Variants in TPM3 observed in about 807,000 individuals in gnomAD.
TPM3 encodes tropomyosin 3.
In TPM3, 16 loss-of-function variants were observed where a neutral mutation model predicts 43.1. The observed-to-expected ratio is 0.37, with a 90% CI of 0.25 to 0.56. The LOEUF (loss-of-function observed/expected upper bound fraction) is 0.56. Among genes scored for constraint, TPM3 ranks in the 20% least tolerant of loss-of-function variants. The pLI, the probability that TPM3 is intolerant of heterozygous loss-of-function variation, is 0.77. For missense variants in TPM3, 176 were observed against 337.2 expected (o/e 0.52, Z 3.74); for synonymous variants, 101 against 116.9 (o/e 0.86, Z 0.88).
intron 5 of TPM3, chr1:154,172,362 C>T: frequency 1.5e-6 from 1 of 660,244 alleles, no homozygotes; most frequent in East Asian, 3.1e-5. Flanking sequence ...TAATATCTAC[C>T]CTTGCCCTAA....
At chr1:154,157,029 A>G (rs11540123), downstream of TPM3, 1,844 of 203,058 alleles carry the variant, frequency 9.1e-3, 43 homozygotes, top group African/African-American at 0.039. Context: ...TTATCCAAAG[A>G]TATCTTAAAG....
chr1:154,183,281 A>T, intron 2 of TPM3: 2 of 1,509,748 alleles, frequency 1.3e-6, no homozygotes, highest in Non-Finnish European at 1.8e-6. Flanking sequence ...ACCGCCAGGC[A>T]GGCGGGAAGG....
At chr1:154,167,981 G>C (rs1661168470) in intron 9 of TPM3, 41 bp from the exon 10 acceptor site, 1 of 1,613,378 alleles carries the variant, frequency 6.2e-7, no homozygotes, top group Non-Finnish European at 8.5e-7. Context: ...AGAAGGACTA[G>C]CATCAATCTA....
intron 6 of TPM3, 31 bp downstream of exon 6, chr1:154,171,382 A>G: frequency 1.2e-6 from 2 of 1,613,476 alleles, no homozygotes; most frequent in Non-Finnish European, 1.7e-6. Context: ...CCAGGCCCCA[A>G]AGCCTGTCAC....
In TPM3 at chr1:154,192,022, C is replaced by G; in HGVS notation, c.-4G>C. 4.3e-6 allele frequency: 7 copies of G among 1,611,558 alleles called. No individual in the cohort carries two copies. Among genetic ancestry groups the G allele is most frequent in the Non-Finnish European group, 5.9e-6 (7 of 1,178,252 alleles). ...TTTTCTTGATGGCCTCCATCATGAG[C>G]AGTGGCTGTTGGTAGGCTCACCTGT... On this transcript the variant is annotated 5_prime_UTR_variant, in exon 1 of 10. Coordinates refer to ENST00000651641, the MANE Select transcript of TPM3 (RefSeq NM_152263.4).
rs1208749713 is a variant in TPM3, at chr1:154,165,182, G to A, written c.*2755C>T. 2.0e-5 allele frequency among the ~76,000 whole-genome samples: 3 copies of A among 152,068 alleles called. No individual in the cohort carries two copies. The highest frequency in any genetic ancestry group is 4.4e-5 in the Non-Finnish European group (3 of 67,984). ...GGATCACTTGAGGTCAGGAGTTCGC[G>A]ACCAGCCTGGCCAACATGCTGAAAC... On this transcript the variant is annotated 3_prime_UTR_variant, in exon 10 of 10. Transcript: ENST00000651641.
intron 2 of TPM3, among the ~76,000 whole-genome samples, chr1:154,177,826 GA>G (rs1662505176): frequency 6.6e-6 from 1 of 152,154 alleles, no homozygotes; most frequent in African/African-American, 2.4e-5. Flanking sequence ...ATGAGAAGCT[GA>G]AGAGACTAGG....
chr1:154,191,223 T>C lies in TPM3; in HGVS notation c.206A>G (p.Gln69Arg). The change falls in exon 2 of 10, where the codon CAG becomes CGG. Residue 69 changes from glutamine (Q) to arginine (R), a missense_variant. Physicochemically the swap from Gln to Arg is conservative, Grantham distance 43. This residue lies in a region of TPM3 where 82 missense variants were observed against 148.8 expected (regional missense o/e 0.55). Transcript: ENST00000651641. ...DKYSEALKDA[Q>R]EKLELAEKKA... ...CTTCTCTGCCAGTTCCAGCTTCTCC[T>C]GGGCATCCTTCAAAGCTTCAGAATA... 6.2e-7 allele frequency: 1 copy of C among 1,614,212 alleles called. No individual in the cohort carries two copies. Among genetic ancestry groups the C allele is most frequent in the Non-Finnish European group, 8.5e-7 (1 of 1,180,028 alleles).
In TPM3 at chr1:154,165,013, T is replaced by G. The variant is rs939258170; in HGVS notation, c.*2924A>C. On this transcript the variant is annotated 3_prime_UTR_variant, in exon 10 of 10. Coordinates refer to ENST00000651641, the MANE Select transcript of TPM3 (RefSeq NM_152263.4). Reference sequence around the variant, plus strand: ...TTAAGACACAACCTGTTCCCTACTCTGTCTAAATCTACCTTTAGAGCTATT... The same window carrying G: ...TTAAGACACAACCTGTTCCCTACTCGGTCTAAATCTACCTTTAGAGCTATT... Among the ~76,000 whole-genome samples, 2 of 152,236 alleles carry G rather than the reference T, an allele frequency of 1.3e-5. No homozygotes were observed. The highest frequency in any genetic ancestry group is 3.8e-4 in the East Asian group (2 of 5,206).
Position 154,169,347 on chromosome 1 carries a change from A to G in TPM3, c.812T>C (p.Ile271Thr), listed in dbSNP as rs1243259614. ...LYAQKLKYKA[I>T]SEELDHALND... ...GAGGGCGTGGTCCAGCTCCTCGCTAATGGCCTTGTACTTCAGTTTCTGGGC... is the reference window on the plus strand; with the variant it reads ...GAGGGCGTGGTCCAGCTCCTCGCTAGTGGCCTTGTACTTCAGTTTCTGGGC... Residue 271 changes from isoleucine to threonine, a missense_variant, in exon 9 of 10, where the codon ATT becomes ACT. By Grantham distance (89) the Ile-to-Thr change is moderately conservative. Transcript: ENST00000651641. The G allele has an allele frequency of 2.5e-6, 4 of 1,614,220 alleles. No homozygotes were observed. Among genetic ancestry groups the G allele is most frequent in the South Asian group, 1.1e-5 (1 of 91,090 alleles).
intron 2 of TPM3, among the ~76,000 whole-genome samples, chr1:154,181,041 C>T (rs919054170): frequency 6.6e-6 from 1 of 152,200 alleles, no homozygotes; most frequent in Non-Finnish European, 1.5e-5. Context: ...GCCAGTTCCT[C>T]TGTCTTCCCC....
rs6661996 is a variant in TPM3 at position 154,165,372 on chromosome 1, C to T, written c.*2565G>A. Among the ~76,000 whole-genome samples, 21,330 of 151,656 alleles carry T rather than the reference C, an allele frequency of 0.14. 2,718 individuals carry two copies. The highest frequency in any genetic ancestry group is 0.34 in the African/African-American group (13,988 of 41,304). ...ACTCCATCCAGCCTGGGTGACAGAG[C>T]GAGACTCCATCTCAAAAAGAGAAAA... On this transcript the variant is annotated 3_prime_UTR_variant, in exon 10 of 10. Transcript: ENST00000651641.
At chr1:154,171,379 C>T in intron 6 of TPM3, 34 bp downstream of exon 6, 1 of 1,613,154 alleles carries the variant, frequency 6.2e-7, no homozygotes, top group Non-Finnish European at 8.5e-7. Context: ...GGCCCAGGCC[C>T]CAAAGCCTGT....
At chr1:154,178,580 C>G (rs1029567590) in intron 2 of TPM3, among the ~76,000 whole-genome samples, 11 of 152,200 alleles carry the variant, frequency 7.2e-5, no homozygotes, top group African/African-American at 2.7e-4. Context: ...TGACTTTTCC[C>G]TCATGAGTCT....
chr1:154,186,917 G>T (rs1381330826), intron 2 of TPM3, among the ~76,000 whole-genome samples: 1 of 151,586 alleles, frequency 6.6e-6, no homozygotes, highest in African/African-American at 2.4e-5. Flanking sequence ...GTGTAAACAC[G>T]TAGTTATTGA....
chr1:154,156,952 G>A (rs1659872615), downstream of TPM3: 1 of 197,520 alleles, frequency 5.1e-6, no homozygotes, highest in Non-Finnish European at 1.0e-5. Flanking sequence ...ACAAAATTTT[G>A]GTCTCAGAGG....
chr1:154,157,242 GAA>G (rs1245770948), downstream of TPM3: 2 of 405,114 alleles, frequency 4.9e-6, no homozygotes, highest in Non-Finnish European at 9.3e-6. Context: ...GCATTAAGGT[GAA>G]AAGTCACCTT....
intron 2 of TPM3, 148 bp from the exon 3 acceptor site, chr1:154,176,396 A>G (rs1662311366): frequency 9.1e-7 from 1 of 1,103,836 alleles, no homozygotes; most frequent in Non-Finnish European, 1.3e-6. Context: ...TAAAAGATCT[A>G]GCAGACATAA....
Position 154,162,967 on chromosome 1 carries a change from T to C in TPM3, c.*4970A>G, listed in dbSNP as rs1171526705. Among the ~76,000 whole-genome samples the C allele has an allele frequency of 1.3e-5, 2 of 152,092 alleles. No homozygotes were observed. The highest frequency in any genetic ancestry group is 2.9e-5 in the Non-Finnish European group (2 of 68,010). ...TTGGGACTACAGGCATGTGCCACCA[T>C]GTCCAGCTAATTTTTGTATTTTTAG... On this transcript the variant is annotated 3_prime_UTR_variant, in exon 10 of 10. Coordinates refer to ENST00000651641, the MANE Select transcript of TPM3 (RefSeq NM_152263.4).
Sources: allele counts gnomAD v4.1 joint callset (sites outside exome capture counted in the v4.1 genomes callset), GRCh38; gene constraint gnomAD v4.1.1; regional missense constraint gnomAD v4.1.1; transcripts MANE v1.5; gene names NCBI Gene and HGNC (gene_info 2026-07-23, HGNC 2026-07-21).